AGBL4: variants seen among roughly 807,000 people sequenced by gnomAD.
AGBL4 encodes AGBL carboxypeptidase 4.
AGBL4 carries 58 observed loss-of-function variants against 66.4 expected under a neutral mutation model. The ratio of observed to expected loss-of-function variants is 0.87; its 90% CI spans 0.71 to 1.09. AGBL4 has a LOEUF of 1.09. Among genes scored for constraint, AGBL4 ranks in the 50% least tolerant of loss-of-function variants. AGBL4 has a pLI of 0.00. For synonymous variants in AGBL4, 234 were observed against 222.9 expected (o/e 1.05, Z -0.44); for missense variants, 579 against 631.0 (o/e 0.92, Z 0.88).
At chr1:48,894,828 T>C (rs1388317423) in intron 5 of AGBL4, among the ~76,000 whole-genome samples, 1 of 152,208 alleles carries the variant, frequency 6.6e-6, no homozygotes, top group African/African-American at 2.4e-5. Context: ...AAAAAAAGAA[T>C]TTATATTTCA....
chr1:49,483,859 A>G (rs2148730911), intron 3 of AGBL4, among the ~76,000 whole-genome samples: 1 of 152,194 alleles, frequency 6.6e-6, no homozygotes, highest in Middle Eastern at 3.4e-3. Flanking sequence ...GCATCTGACA[A>G]GGAATTAATA....
chr1:48,762,614 T>TTGTGTGTGTGTGTGTGTGTG (rs58396843), intron 6 of AGBL4, among the ~76,000 whole-genome samples: 1 of 75,148 alleles, frequency 1.3e-5, no homozygotes, highest in African/African-American at 4.0e-5. Flanking sequence ...TTTAAGGGTT[T>TTGTGTGTGTGTGTGTGTGTG]TGTGTGTGTG....
chr1:48,977,082 T>C (rs1659395056), intron 5 of AGBL4, among the ~76,000 whole-genome samples: 1 of 152,076 alleles, frequency 6.6e-6, no homozygotes. Context: ...TAAACATTTT[T>C]GAATGAGTGA....
intron 5 of AGBL4, among the ~76,000 whole-genome samples, chr1:48,982,601 T>C (rs1338503756): frequency 1.3e-5 from 2 of 152,308 alleles, no homozygotes. Flanking sequence ...CAGTCTATCA[T>C]TGTTGGACAT....
At chr1:49,675,774 A>G (rs1434029253) in intron 3 of AGBL4, among the ~76,000 whole-genome samples, 4 of 152,022 alleles carry the variant, frequency 2.6e-5, no homozygotes, top group South Asian at 2.1e-4. Flanking sequence ...AGGGAGAAAG[A>G]GCATATATGA....
chr1:49,084,611 G>A (rs1461121280), intron 4 of AGBL4, among the ~76,000 whole-genome samples: 1 of 152,118 alleles, frequency 6.6e-6, no homozygotes, highest in Non-Finnish European at 1.5e-5. Context: ...TTGACACATG[G>A]GGATTATGAC....
At chr1:48,755,419 C>G in intron 6 of AGBL4, among the ~76,000 whole-genome samples, 1 of 152,200 alleles carries the variant, frequency 6.6e-6, no homozygotes, top group East Asian at 1.9e-4. Context: ...AGCACCCAAG[C>G]TAGACAAAGG....
chr1:49,157,841 C>G (rs1646463800), intron 4 of AGBL4, among the ~76,000 whole-genome samples: 1 of 152,102 alleles, frequency 6.6e-6, no homozygotes, highest in Admixed American at 6.6e-5. Flanking sequence ...TGATGATGAG[C>G]TTTTTTTCAT....
At chr1:49,300,729 C>A (rs1644730012) in intron 3 of AGBL4, among the ~76,000 whole-genome samples, 1 of 152,176 alleles carries the variant, frequency 6.6e-6, no homozygotes, top group Admixed American at 6.5e-5. Context: ...CATACCTCTC[C>A]AGATTAATCT....
At chr1:49,927,760 T>C (rs181142499) in intron 1 of AGBL4, among the ~76,000 whole-genome samples, 2 of 151,430 alleles carry the variant, frequency 1.3e-5, no homozygotes, top group East Asian at 3.9e-4. Context: ...CTAAGAGTTA[T>C]TGACCTTAAA....
rs188564553 is a variant in AGBL4 at position 48,891,528 on chromosome 1, A to T, written c.595-24298T>A. On this transcript the variant is annotated intron_variant, in intron 5 of 13. Coordinates refer to ENST00000371839, the MANE Select transcript of AGBL4 (RefSeq NM_032785.4). ...GGAGGGCACATAAAGAGACCACTTC[A>T]GTTTAAAACGCTTGTTGCTATCTTA... Among the ~76,000 whole-genome samples the T allele has an allele frequency of 3.0e-3, 454 of 152,344 alleles. 2 individuals carry two copies. Among genetic ancestry groups the T allele is most frequent in the Admixed American group, 4.5e-3 (69 of 15,310 alleles).
At chr1:49,288,664 A>G (rs1644474477) in intron 3 of AGBL4, among the ~76,000 whole-genome samples, 1 of 152,182 alleles carries the variant, frequency 6.6e-6, no homozygotes, top group Non-Finnish European at 1.5e-5. Flanking sequence ...AACAGTCTCA[A>G]AGTGCTGCAG....
chr1:48,749,701 T>C (rs1050833493), intron 6 of AGBL4, among the ~76,000 whole-genome samples: 1 of 152,172 alleles, frequency 6.6e-6, no homozygotes, highest in Non-Finnish European at 1.5e-5. Flanking sequence ...GAATAGGTTG[T>C]CACCTCTAGA....
rs201685219 is a variant in AGBL4, at chr1:48,917,183, G to GGTCACATA, written c.595-49961_595-49954dup. Among the ~76,000 whole-genome samples, 1,059 of 151,456 alleles carry GGTCACATA rather than the reference G, an allele frequency of 7.0e-3. 17 individuals carry two copies. Among genetic ancestry groups the GGTCACATA allele is most frequent in the African/African-American group, 0.025 (1,027 of 41,276 alleles). On this transcript the variant is annotated intron_variant, in intron 5 of 13. Transcript: ENST00000371839. ...GACCTGTTCTTATTGCTGACCAAGAGGTCACATATTTGATGTTTTAATGAA... is the reference window on the plus strand; with the variant it reads ...GACCTGTTCTTATTGCTGACCAAGAGGTCACATAGTCACATATTTGATGTTTTAATGAA...
At chr1:49,984,524 T>C (rs1297870043) in intron 1 of AGBL4, among the ~76,000 whole-genome samples, 2 of 152,238 alleles carry the variant, frequency 1.3e-5, no homozygotes, top group African/African-American at 4.8e-5. Flanking sequence ...CTGTAACCTG[T>C]TGAACATGTA....
chr1:49,301,838 G>T (rs1404731877), intron 3 of AGBL4, among the ~76,000 whole-genome samples: 1 of 152,016 alleles, frequency 6.6e-6, no homozygotes, highest in Non-Finnish European at 1.5e-5. Context: ...TTTCAGCACT[G>T]TTGTGAATTC....
intron 3 of AGBL4, among the ~76,000 whole-genome samples, chr1:49,635,269 T>C (rs1390820793): frequency 1.3e-5 from 2 of 152,146 alleles, no homozygotes; most frequent in Non-Finnish European, 2.9e-5. Context: ...GATATAAATA[T>C]GAAAGATAAA....
chr1:48,695,911 A>G (rs533061904), intron 6 of AGBL4, among the ~76,000 whole-genome samples: 3 of 152,044 alleles, frequency 2.0e-5, no homozygotes, highest in Non-Finnish European at 2.9e-5. Context: ...CTCTTCACCA[A>G]GAGTGGACTC....
intron 4 of AGBL4, among the ~76,000 whole-genome samples, chr1:49,117,822 C>T (rs1026962736): frequency 5.3e-5 from 8 of 152,046 alleles, no homozygotes; most frequent in African/African-American, 1.9e-4. Context: ...GTATGGCCAT[C>T]TTCACTGTAT....
Sources: gnomAD v4.1 joint callset for allele counts (sites outside exome capture counted in the v4.1 genomes callset) on GRCh38, gnomAD v4.1.1 for gene constraint, MANE v1.5 for transcripts, NCBI Gene and HGNC (gene_info 2026-07-23, HGNC 2026-07-21) for gene names.